The following SUCLG2 variants were observed in gnomAD, a reference collection of about 807,000 sequenced individuals.
The protein encoded by SUCLG2 is succinate--CoA ligase [GDP-forming] subunit beta, mitochondrial.
SUCLG2 carries 42 observed loss-of-function variants against 47.9 expected under a neutral mutation model. That is an observed-to-expected ratio of 0.88 (90% CI 0.69 to 1.14). The LOEUF is 1.14. Ranked by LOEUF, SUCLG2 falls within the 50% of genes most tolerant of loss-of-function variation. The probability of loss-of-function intolerance (pLI) is 0.00; values close to 1 mark genes in which losing one functional copy is unlikely to be tolerated. For missense variants in SUCLG2, 571 were observed against 525.9 expected (o/e 1.09, Z -0.84); for synonymous variants, 195 against 197.3 (o/e 0.99, Z 0.10).
intron 10 of SUCLG2, among the ~76,000 whole-genome samples, chr3:67,393,912 G>T (rs1399645972): frequency 1.3e-5 from 2 of 152,242 alleles, no homozygotes; most frequent in South Asian, 4.1e-4. Flanking sequence ...AGGCAAACAG[G>T]GTCTGGAGTG....
At chr3:67,436,204 T>C (rs1703616663) in intron 9 of SUCLG2, among the ~76,000 whole-genome samples, 1 of 152,162 alleles carries the variant, frequency 6.6e-6, no homozygotes. Context: ...CTACTGCTAA[T>C]AATGAATGAG....
intron 9 of SUCLG2, among the ~76,000 whole-genome samples, chr3:67,479,879 C>G (rs1704865846): frequency 6.6e-6 from 1 of 152,172 alleles, no homozygotes; most frequent in Admixed American, 6.5e-5. Context: ...TAGAAAAATG[C>G]ATTTACAAAC....
intron 9 of SUCLG2, among the ~76,000 whole-genome samples, chr3:67,417,330 G>T (rs1377021755): frequency 6.6e-6 from 1 of 152,332 alleles, no homozygotes; most frequent in Non-Finnish European, 1.5e-5. Context: ...ATTGCTAGCT[G>T]CCTAGACAAG....
intron 2 of SUCLG2, among the ~76,000 whole-genome samples, chr3:67,540,899 G>A (rs190030346): frequency 2.6e-5 from 4 of 152,308 alleles, no homozygotes; most frequent in Admixed American, 1.3e-4. Context: ...TGATACTCAG[G>A]CAAACAGGTT....
chr3:67,547,939 G>A (rs765225815), intron 2 of SUCLG2, among the ~76,000 whole-genome samples: 4 of 152,082 alleles, frequency 2.6e-5, no homozygotes, highest in African/African-American at 7.2e-5. Context: ...ACCGAAGGAC[G>A]ACACAGCATG....
At chr3:67,468,077 T>A (rs1393381674) in intron 9 of SUCLG2, among the ~76,000 whole-genome samples, 1 of 152,102 alleles carries the variant, frequency 6.6e-6, no homozygotes, top group Non-Finnish European at 1.5e-5. Context: ...AAATTCTGTA[T>A]GATGTGTGGG....
At chr3:67,622,395 T>C (rs141928177) in intron 1 of SUCLG2, among the ~76,000 whole-genome samples, 6 of 152,304 alleles carry the variant, frequency 3.9e-5, no homozygotes, top group African/African-American at 1.2e-4. Flanking sequence ...ACACTGACTA[T>C]GTTAAAGGGT....
At chr3:67,602,750 T>G (rs1214822739) in intron 2 of SUCLG2, among the ~76,000 whole-genome samples, 1 of 152,180 alleles carries the variant, frequency 6.6e-6, no homozygotes, top group Non-Finnish European at 1.5e-5. Context: ...AGTGAACATT[T>G]TCTGAATAAC....
rs1706004243 is a variant in SUCLG2 at position 67,518,281 on chromosome 3, TCGGCCATC to T, written c.618_625del (p.Met207LysfsTer21). 9 of 1,612,766 alleles carry T rather than the reference TCGGCCATC, an allele frequency of 5.6e-6. No homozygotes were observed. The highest frequency in any genetic ancestry group is 7.6e-6 in the Non-Finnish European group (9 of 1,179,258). On this transcript the variant is annotated frameshift_variant, in exon 6 of 11. Transcript: ENST00000307227. LOFTEE classifies it high-confidence loss of function. ...CAAAGGCCCAACGAAGCCTAGATTT[TCGGCCATC>T]CGCTGAGCTTGGCTGTCCTTTATTC...
At chr3:67,616,407 G>C (rs912093155) in intron 1 of SUCLG2, among the ~76,000 whole-genome samples, 1 of 152,108 alleles carries the variant, frequency 6.6e-6, no homozygotes, top group African/African-American at 2.4e-5. Context: ...GTTCACACAT[G>C]AAGCAATAAT....
At chr3:67,475,273 T>A (rs369833321) in intron 9 of SUCLG2, among the ~76,000 whole-genome samples, 2 of 152,220 alleles carry the variant, frequency 1.3e-5, no homozygotes, top group East Asian at 1.9e-4. Flanking sequence ...AAACAAGACA[T>A]TAAGGGCTCA....
At chr3:67,650,109 C>T (rs1003067278) in intron 1 of SUCLG2, among the ~76,000 whole-genome samples, 1 of 152,174 alleles carries the variant, frequency 6.6e-6, no homozygotes, top group African/African-American at 2.4e-5. Context: ...ATTCCCTTTT[C>T]TAAAAGCAGA....
chr3:67,502,692 A>T (rs1705530132), intron 7 of SUCLG2, among the ~76,000 whole-genome samples: 1 of 152,214 alleles, frequency 6.6e-6, no homozygotes, highest in Non-Finnish European at 1.5e-5. Flanking sequence ...CCTAACAATA[A>T]AAATTATCTG....
Position 67,445,748 on chromosome 3 carries a change from AAAGTT to A in SUCLG2, c.1063-44902_1063-44898del, listed in dbSNP as rs1311846509. On this transcript the variant is annotated intron_variant, in intron 9 of 10. Coordinates refer to ENST00000307227, the MANE Select transcript of SUCLG2 (RefSeq NM_003848.4). ...TCTGCTCAGTGTAAAAGTGGTTATT[AAAGTT>A]ATTTTGAAAAATTTCATTTAAAAAA... is the stretch of plus-strand genomic sequence containing the variant. Among the ~76,000 whole-genome samples the A allele has an allele frequency of 1.5e-4, 8 of 55,170 alleles. 3 individuals carry two copies. In the East Asian group the frequency reaches 4.3e-3, roughly 30 times the overall value. 36.2% of individuals were successfully genotyped at this position (55,170 alleles called of 152,430 possible).
chr3:67,485,573 G>A (rs1461817194), intron 9 of SUCLG2, among the ~76,000 whole-genome samples: 1 of 152,162 alleles, frequency 6.6e-6, no homozygotes, highest in African/African-American at 2.4e-5. Flanking sequence ...TGTTCATCAG[G>A]CAATGACACA....
rs918085267 is a variant in SUCLG2, at chr3:67,532,714, A to T, written c.227-3528T>A. Reference sequence around the variant, plus strand: ...ACTGTAAGACATATCTGACAAACTTATAAATATGTAAGACTCTCAAACACA... The same window carrying T: ...ACTGTAAGACATATCTGACAAACTTTTAAATATGTAAGACTCTCAAACACA... On this transcript the variant is annotated intron_variant, in intron 2 of 10. Transcript: ENST00000307227. Among the ~76,000 whole-genome samples the T allele has an allele frequency of 2.0e-5, 3 of 152,224 alleles. No individual in the cohort carries two copies. In the East Asian group the frequency reaches 5.8e-4, roughly 29 times the overall value.
At chr3:67,364,959 C>T (rs751601696) in intron 10 of SUCLG2, among the ~76,000 whole-genome samples, 10 of 152,046 alleles carry the variant, frequency 6.6e-5, no homozygotes, top group Non-Finnish European at 1.2e-4. Context: ...AGCAAAGAAA[C>T]AGGATAGAAA....
At chr3:67,383,640 G>C (rs1357169348) in intron 10 of SUCLG2, among the ~76,000 whole-genome samples, 1 of 152,160 alleles carries the variant, frequency 6.6e-6, no homozygotes, top group African/African-American at 2.4e-5. Context: ...TCTCTACACG[G>C]TTTCAAAGAA....
chr3:67,642,156 A>G (rs1329181719), intron 1 of SUCLG2, among the ~76,000 whole-genome samples: 1 of 152,210 alleles, frequency 6.6e-6, no homozygotes, highest in African/African-American at 2.4e-5. Context: ...GTTAGATTTC[A>G]ACATAGGAAT....
Sources: allele counts gnomAD v4.1 joint callset (sites outside exome capture counted in the v4.1 genomes callset), GRCh38; gene constraint gnomAD v4.1.1; transcripts MANE v1.5; gene names NCBI Gene and HGNC (gene_info 2026-07-23, HGNC 2026-07-21).